The following MAP3K19 variants were observed in gnomAD, a reference collection of about 807,000 sequenced individuals.
MAP3K19 encodes mitogen-activated protein kinase kinase kinase 19, also known as SPS1/STE20-related protein kinase YSK4.
Under a neutral mutation model 114.4 loss-of-function variants are expected in MAP3K19, and 91 were observed. The observed-to-expected ratio is 0.80, with a 90% CI of 0.67 to 0.95. MAP3K19 has a LOEUF of 0.95. MAP3K19 is among the 40% of genes least tolerant of loss of function. The probability of loss-of-function intolerance (pLI) is 0.00; values close to 1 mark genes in which losing one functional copy is unlikely to be tolerated. For missense variants in MAP3K19, 1,471 were observed against 1,573.2 expected, an observed-to-expected ratio of 0.94 and a Z score of 1.10; for synonymous variants, 518 against 530.5, an observed-to-expected ratio of 0.98 and a Z score of 0.32.
intron 12 of MAP3K19, among the ~76,000 whole-genome samples, chr2:134,966,774 C>A (rs77175068): frequency 6.6e-6 from 1 of 152,208 alleles, no homozygotes; most frequent in East Asian, 1.9e-4. Context: ...ATGTCTTACC[C>A]TGTCTTCTTG....
intron 2 of MAP3K19, among the ~76,000 whole-genome samples, chr2:135,039,292 C>G (rs1454882299): frequency 6.6e-6 from 1 of 151,958 alleles, no homozygotes; most frequent in Non-Finnish European, 1.5e-5. Context: ...ATTTAAAGTA[C>G]CAAGAACTGG....
chr2:135,018,566 C>T (rs1049792175), intron 5 of MAP3K19, among the ~76,000 whole-genome samples: 1 of 152,160 alleles, frequency 6.6e-6, no homozygotes, highest in Non-Finnish European at 1.5e-5. Flanking sequence ...CAAACTCTTG[C>T]CCCCACAAAG....
chr2:134,990,655 T>A (rs1056517360), intron 9 of MAP3K19, among the ~76,000 whole-genome samples: 1 of 152,016 alleles, frequency 6.6e-6, no homozygotes, highest in Non-Finnish European at 1.5e-5. Flanking sequence ...GTTTTGTATT[T>A]TAGTAGAGAC....
intron 9 of MAP3K19, 131 bp downstream of exon 9, chr2:134,991,406 G>T: frequency 1.3e-6 from 1 of 776,554 alleles, no homozygotes; most frequent in Non-Finnish European, 2.3e-6. Flanking sequence ...TGACTGTGTT[G>T]GGGACATCAG....
At chr2:134,977,508 G>T in intron 12 of MAP3K19, among the ~76,000 whole-genome samples, 1 of 151,822 alleles carries the variant, frequency 6.6e-6, no homozygotes, top group African/African-American at 2.4e-5. Context: ...GACTACAGGT[G>T]CCTGCCACCA....
At chr2:134,983,267 C>A (rs1202954966) in intron 11 of MAP3K19, 2 of 536,360 alleles carry the variant, frequency 3.7e-6, no homozygotes, top group Non-Finnish European at 7.6e-6. Flanking sequence ...AGTAATGATT[C>A]TCCAAACTTC....
At chr2:134,978,781 G>A (rs934135552) in intron 12 of MAP3K19, among the ~76,000 whole-genome samples, 1 of 152,162 alleles carries the variant, frequency 6.6e-6, no homozygotes, top group African/African-American at 2.4e-5. Context: ...CTGGATTTCT[G>A]CAGAGCTTTC....
Position 134,987,487 on chromosome 2 carries a change from A to G in MAP3K19, c.1385T>C (p.Met462Thr). 6.2e-7 allele frequency: 1 copy of G among 1,614,200 alleles called. No homozygotes were observed. The highest frequency in any genetic ancestry group is 8.5e-7 in the Non-Finnish European group (1 of 1,180,040). ...TATTGATATTTTTATGTTTGTCTCC[A>G]TGCTGCTACAACCTTCTGGGAGTTT... is the stretch of plus-strand genomic sequence containing the variant. ...IDKLPEGCSSMETNIKISIAE... is the reference protein window; with the variant it reads ...IDKLPEGCSSTETNIKISIAE... The change falls in exon 10 of 13, where the codon ATG becomes ACG. Residue 462 changes from methionine to threonine, a missense_variant. By Grantham distance (81) the Met-to-Thr change is moderately conservative. Coordinates refer to ENST00000392915, the MANE Select transcript of MAP3K19 (RefSeq NM_025052.5).
intron 4 of MAP3K19, chr2:135,023,411 A>G (rs747225258): frequency 1.9e-6 from 1 of 531,798 alleles, no homozygotes; most frequent in Non-Finnish European, 3.9e-6. Context: ...CTCACCCACC[A>G]TCATGTCCTC....
intron 2 of MAP3K19, among the ~76,000 whole-genome samples, chr2:135,031,276 G>A (rs1391613404): frequency 2.0e-5 from 3 of 152,086 alleles, no homozygotes; most frequent in Non-Finnish European, 2.9e-5. Flanking sequence ...GAGAGTCTGC[G>A]AAGACTTTTT....
At chr2:135,009,149 G>C (rs1207270120) in intron 5 of MAP3K19, among the ~76,000 whole-genome samples, 1 of 146,408 alleles carries the variant, frequency 6.8e-6, no homozygotes, top group Non-Finnish European at 1.5e-5. Flanking sequence ...ATTTTTAGTA[G>C]AGATGGCGTT....
chr2:134,992,744 G>A (rs772340820), intron 8 of MAP3K19, among the ~76,000 whole-genome samples: 10 of 151,572 alleles, frequency 6.6e-5, no homozygotes, highest in East Asian at 5.8e-4. Context: ...ATCTCAGCTC[G>A]CTGCAACCTC....
chr2:135,025,377 CTTTTTTTTTTTT>C (rs754598942), intron 3 of MAP3K19, among the ~76,000 whole-genome samples: 2 of 69,534 alleles, frequency 2.9e-5, no homozygotes, highest in Admixed American at 3.2e-4. Flanking sequence ...CTTTTCTTTT[CTTTTTTTTTTTT>C]TTTTTTTTTT....
chr2:135,026,005 C>T (rs916588338), intron 3 of MAP3K19, among the ~76,000 whole-genome samples: 3 of 152,126 alleles, frequency 2.0e-5, no homozygotes, highest in Non-Finnish European at 2.9e-5. Context: ...TGAATCTCTT[C>T]GTTGCTATGG....
At chr2:134,982,443 G>A (rs750741919) in intron 11 of MAP3K19, among the ~76,000 whole-genome samples, 88 of 149,460 alleles carry the variant, frequency 5.9e-4, no homozygotes, top group Admixed American at 2.5e-3. Flanking sequence ...CCTCTGCCCC[G>A]GGGTTCAAGC....
chr2:135,004,773 A>G (rs1686694070), intron 6 of MAP3K19, among the ~76,000 whole-genome samples: 2 of 152,116 alleles, frequency 1.3e-5, no homozygotes, highest in Non-Finnish European at 2.9e-5. Context: ...AAGATTCCAG[A>G]CTTATGGCCT....
At chr2:134,970,022 T>A (rs1683758587) in intron 12 of MAP3K19, among the ~76,000 whole-genome samples, 2 of 152,218 alleles carry the variant, frequency 1.3e-5, no homozygotes, top group African/African-American at 4.8e-5. Context: ...CCTTGTAATA[T>A]ATTTTGTATA....
intron 12 of MAP3K19, among the ~76,000 whole-genome samples, chr2:134,966,990 A>G (rs537381223): frequency 2.1e-4 from 32 of 152,294 alleles, no homozygotes; most frequent in African/African-American, 7.2e-4. Context: ...ACTTTCAACA[A>G]TTTCTTTGCT....
At chr2:134,972,549 C>G (rs1007784788) in intron 12 of MAP3K19, among the ~76,000 whole-genome samples, 1 of 151,904 alleles carries the variant, frequency 6.6e-6, no homozygotes, top group Non-Finnish European at 1.5e-5. Flanking sequence ...GTCTCGAACT[C>G]TTGGGTTCAA....
Sources: gnomAD v4.1 joint callset for allele counts (sites outside exome capture counted in the v4.1 genomes callset) on GRCh38, gnomAD v4.1.1 for gene constraint, MANE v1.5 for transcripts, NCBI Gene and HGNC (gene_info 2026-07-23, HGNC 2026-07-21) for gene names.